POLA1: variants seen among roughly 807,000 people sequenced by gnomAD.
The protein encoded by POLA1 is DNA polymerase alpha 1, catalytic subunit, also known as DNA polymerase alpha catalytic subunit.
A neutral mutation model predicts 124.0 loss-of-function variants in POLA1; 15 were observed. That is an observed-to-expected ratio of 0.12 (90% CI 0.08 to 0.19). POLA1 has a LOEUF of 0.19. Ranked by LOEUF, POLA1 falls within the 10% of genes least tolerant of loss-of-function variation. The pLI is 1.00. For synonymous variants in POLA1, 408 were observed against 389.4 expected, an observed-to-expected ratio of 1.05 and a Z score of -0.56; for missense variants, 886 against 1,103.4, an observed-to-expected ratio of 0.80 and a Z score of 2.79.
At chrX:24,917,864 G>A in intron 35 of POLA1, among the ~76,000 whole-genome samples, 1 of 111,663 alleles carries the variant, frequency 9.0e-6, no homozygotes, top group East Asian at 2.8e-4. Context: ...TGTGAATTGA[G>A]GGCTTACCAT....
At chrX:24,960,751 T>C (rs1032781402) in intron 36 of POLA1, among the ~76,000 whole-genome samples, 9 of 111,705 alleles carry the variant, frequency 8.1e-5, no homozygotes, top group Admixed American at 2.9e-4. Flanking sequence ...TGTCCATAAG[T>C]ATGTGTCTAG....
intron 34 of POLA1, among the ~76,000 whole-genome samples, chrX:24,884,144 T>C (rs2047036216): frequency 9.0e-6 from 1 of 111,705 alleles, no homozygotes; most frequent in Non-Finnish European, 1.9e-5. Context: ...TATTTATTTA[T>C]TTTTATTAAA....
intron 36 of POLA1, among the ~76,000 whole-genome samples, chrX:24,983,725 T>C (rs2048448028): frequency 1.8e-5 from 2 of 112,413 alleles, no homozygotes; most frequent in Non-Finnish European, 1.9e-5. Context: ...AAGGCTCTGA[T>C]AATGATGCAG....
chrX:24,794,258 C>T (rs780767817), intron 26 of POLA1, among the ~76,000 whole-genome samples: 4 of 112,131 alleles, frequency 3.6e-5, no homozygotes, highest in African/African-American at 9.7e-5. Context: ...GGATTACAGG[C>T]GTGAACCATC....
intron 34 of POLA1, among the ~76,000 whole-genome samples, chrX:24,884,221 T>G (rs2047037461): frequency 9.0e-6 from 1 of 111,554 alleles, no homozygotes; most frequent in Non-Finnish European, 1.9e-5. Context: ...TAATTACAGC[T>G]CACTGCAGCC....
chrX:24,862,585 A>G (rs980239829), intron 34 of POLA1, among the ~76,000 whole-genome samples: 1 of 111,464 alleles, frequency 9.0e-6, no homozygotes, highest in Non-Finnish European at 1.9e-5. Flanking sequence ...GTTAATCTTT[A>G]AACAATCTCT....
intron 36 of POLA1, among the ~76,000 whole-genome samples, chrX:24,968,619 T>C (rs148861081): frequency 0.14 from 14,170 of 103,260 alleles, 851 homozygotes; most frequent in Non-Finnish European, 0.18. Context: ...AGGAGACTGG[T>C]GTGAACCCGG....
At chrX:24,716,335 G>A (rs1929834677) in intron 6 of POLA1, 27 bp from the exon 7 acceptor site, 2 of 813,906 alleles carry the variant, frequency 2.5e-6, no homozygotes, top group Non-Finnish European at 3.7e-6. Flanking sequence ...AAGCATGGCA[G>A]TGAATATGTC....
At chrX:24,785,117 AAATT>A (rs1213395288) in intron 26 of POLA1, among the ~76,000 whole-genome samples, 1 of 112,537 alleles carries the variant, frequency 8.9e-6, no homozygotes, top group Non-Finnish European at 1.9e-5. Flanking sequence ...TAAGTGTTAC[AAATT>A]AATTCAGTAC....
chrX:24,948,420 T>A (rs1351913208), intron 36 of POLA1, among the ~76,000 whole-genome samples: 1 of 111,052 alleles, frequency 9.0e-6, no homozygotes, highest in Non-Finnish European at 1.9e-5. Flanking sequence ...TTACTGCCAA[T>A]CTTCTCTTGA....
At chrX:24,896,201 G>A (rs1601846110) in intron 35 of POLA1, among the ~76,000 whole-genome samples, 1 of 111,360 alleles carries the variant, frequency 9.0e-6, no homozygotes, top group Admixed American at 9.5e-5. Context: ...GGGGAGGGAG[G>A]TGCCGCTGGC....
chrX:24,901,669 G>A (rs1324306427), intron 35 of POLA1, among the ~76,000 whole-genome samples: 1 of 111,172 alleles, frequency 9.0e-6, no homozygotes, highest in East Asian at 2.8e-4. Context: ...GAATAGAAGG[G>A]AATCTGTGAG....
intron 36 of POLA1, among the ~76,000 whole-genome samples, chrX:24,937,563 A>G (rs2047866730): frequency 8.9e-6 from 1 of 112,139 alleles, no homozygotes; most frequent in Admixed American, 9.5e-5. Context: ...TAACATAGAA[A>G]TGAACCCAAA....
At chrX:24,759,842 C>A (rs760685185) in intron 26 of POLA1, among the ~76,000 whole-genome samples, 2 of 112,170 alleles carry the variant, frequency 1.8e-5, no homozygotes, top group African/African-American at 3.2e-5. Context: ...TTCTTCCCCA[C>A]CCCTCACCAG....
In POLA1 at chrX:24,741,408, C is replaced by T. The variant is rs753968664; in HGVS notation, c.2250C>T (p.His750=). The change falls in exon 21 of 37, where the codon CAC becomes CAT. Residue 750 remains histidine, a synonymous_variant. Transcript: ENST00000379068. ...CTCAACTGTTATACCTGTTGGAACA[C>T]ACCTGGAAAGATGCCAAGTTCATTT... is the stretch of plus-strand genomic sequence containing the variant. ...ESSQLLYLLE[H]TWKDAKFILQ... is the part of the protein sequence containing the mutation. 8.4e-7 allele frequency: 1 copy of T among 1,196,451 alleles called. No individual in the cohort carries two copies. Among genetic ancestry groups the T allele is most frequent in the South Asian group, 1.8e-5 (1 of 56,500 alleles).
chrX:24,800,419 T>G (rs2045686207), intron 26 of POLA1, among the ~76,000 whole-genome samples: 1 of 111,620 alleles, frequency 9.0e-6, no homozygotes, highest in Non-Finnish European at 1.9e-5. Context: ...AGTTTTAATT[T>G]TAGTATCTTA....
intron 35 of POLA1, among the ~76,000 whole-genome samples, chrX:24,890,386 T>C (rs1055098687): frequency 1.8e-5 from 2 of 111,634 alleles, no homozygotes; most frequent in Non-Finnish European, 3.8e-5. Context: ...ACACCTGGCC[T>C]CCAGTACCAA....
intron 26 of POLA1, among the ~76,000 whole-genome samples, chrX:24,798,971 G>A (rs1449502389): frequency 1.8e-5 from 2 of 111,530 alleles, no homozygotes; most frequent in Non-Finnish European, 3.8e-5. Context: ...TGAACTTACA[G>A]TAGAATGGAA....
intron 35 of POLA1, among the ~76,000 whole-genome samples, chrX:24,904,808 C>T (rs1329652019): frequency 2.7e-5 from 3 of 110,912 alleles, no homozygotes; most frequent in Non-Finnish European, 5.7e-5. Flanking sequence ...GAGGATCACT[C>T]GAGGTCAGGA....
Sources: gnomAD v4.1 joint callset for allele counts (sites outside exome capture counted in the v4.1 genomes callset) on GRCh38, gnomAD v4.1.1 for gene constraint, MANE v1.5 for transcripts, NCBI Gene and HGNC (gene_info 2026-07-23, HGNC 2026-07-21) for gene names.